Variants in SLC25A21 observed in about 807,000 individuals in gnomAD.
The protein encoded by SLC25A21 is mitochondrial 2-oxodicarboxylate carrier.
Under a neutral mutation model 43.8 loss-of-function variants are expected in SLC25A21, and 47 were observed. The ratio of observed to expected loss-of-function variants is 1.07; its 90% confidence interval spans 0.85 to 1.37. The LOEUF (loss-of-function observed/expected upper bound fraction) is 1.37. Among genes scored for constraint, SLC25A21 ranks in the 40% most tolerant of loss-of-function variants. The pLI is 0.00. For missense variants in SLC25A21, 352 were observed against 350.2 expected, an observed-to-expected ratio of 1.00 and a Z score of -0.04; for synonymous variants, 131 against 121.3, an observed-to-expected ratio of 1.08 and a Z score of -0.52.
At chr14:37,089,485 T>C (rs1343604984) in intron 1 of SLC25A21, among the ~76,000 whole-genome samples, 1 of 152,216 alleles carries the variant, frequency 6.6e-6, no homozygotes, top group Non-Finnish European at 1.5e-5. Context: ...TTATTAGCTC[T>C]TACTGTAGAA....
chr14:36,680,806 G>C (rs966197072), intron 9 of SLC25A21, 87 bp from the exon 10 acceptor site: 1 of 1,211,588 alleles, frequency 8.3e-7, no homozygotes, highest in Admixed American at 1.9e-5. Context: ...ATGATGTCTC[G>C]CACAGCCTGT....
At chr14:36,921,418 C>T (rs537213824) in intron 1 of SLC25A21, among the ~76,000 whole-genome samples, 63 of 152,140 alleles carry the variant, frequency 4.1e-4, no homozygotes, top group African/African-American at 1.4e-3. Context: ...TGAATAAGAA[C>T]GTTCATAACT....
intron 1 of SLC25A21, among the ~76,000 whole-genome samples, chr14:36,998,876 G>T (rs1960428473): frequency 6.6e-6 from 1 of 151,992 alleles, no homozygotes; most frequent in South Asian, 2.1e-4. Flanking sequence ...TATTAGGATG[G>T]CCAAAATCCA....
At chr14:36,760,568 G>A (rs907400993) in intron 3 of SLC25A21, among the ~76,000 whole-genome samples, 5 of 152,178 alleles carry the variant, frequency 3.3e-5, no homozygotes, top group African/African-American at 7.2e-5. Flanking sequence ...GGAGGGTCCT[G>A]CCAGCTCCAT....
intron 1 of SLC25A21, among the ~76,000 whole-genome samples, chr14:37,056,556 C>T (rs927552780): frequency 2.0e-5 from 3 of 151,796 alleles, no homozygotes; most frequent in Non-Finnish European, 4.4e-5. Flanking sequence ...TGGACTAATA[C>T]AGATGCAGAC....
chr14:36,842,030 C>T (rs895115068), intron 2 of SLC25A21, among the ~76,000 whole-genome samples: 2 of 152,224 alleles, frequency 1.3e-5, no homozygotes, highest in East Asian at 1.9e-4. Flanking sequence ...AAATTCTCTT[C>T]CCATGTTTCC....
intron 2 of SLC25A21, among the ~76,000 whole-genome samples, chr14:36,827,298 G>A (rs1888868230): frequency 2.6e-5 from 4 of 152,054 alleles, no homozygotes; most frequent in Admixed American, 6.6e-5. Flanking sequence ...GTTGGCTCTG[G>A]TGGCATTGCA....
intron 1 of SLC25A21, among the ~76,000 whole-genome samples, chr14:36,942,989 G>A (rs558209422): frequency 9.5e-4 from 145 of 152,250 alleles, no homozygotes; most frequent in Non-Finnish European, 1.6e-3. Flanking sequence ...TATGGTTCCA[G>A]TAGAGAGCTG....
intron 1 of SLC25A21, among the ~76,000 whole-genome samples, chr14:37,064,233 A>G (rs1594776209): frequency 6.6e-6 from 1 of 152,056 alleles, no homozygotes; most frequent in Admixed American, 6.6e-5. Context: ...GACTTATACC[A>G]GTGGCCCCTT....
chr14:37,006,650 A>G (rs1960610821), intron 1 of SLC25A21, among the ~76,000 whole-genome samples: 1 of 121,290 alleles, frequency 8.2e-6, no homozygotes, highest in Non-Finnish European at 1.8e-5. Flanking sequence ...AGAATCCCAG[A>G]ACACCTTAAT....
At chr14:37,059,658 G>C (rs1961903000) in intron 1 of SLC25A21, among the ~76,000 whole-genome samples, 1 of 152,158 alleles carries the variant, frequency 6.6e-6, no homozygotes, top group Non-Finnish European at 1.5e-5. Flanking sequence ...ACTGCCAAGA[G>C]AAAAATGCCC....
intron 2 of SLC25A21, among the ~76,000 whole-genome samples, chr14:36,824,384 T>C (rs1888745462): frequency 6.6e-6 from 1 of 152,138 alleles, no homozygotes; most frequent in East Asian, 1.9e-4. Context: ...GTTACCAAGA[T>C]TTGGATTGGT....
intron 2 of SLC25A21, among the ~76,000 whole-genome samples, chr14:36,837,827 G>A (rs1889260659): frequency 6.6e-6 from 1 of 152,200 alleles, no homozygotes; most frequent in Admixed American, 6.5e-5. Context: ...CCTTGTTGCT[G>A]TCTTGCCCCT....
In SLC25A21 at chr14:36,680,041, G is replaced by A. The variant is rs1882144766; in HGVS notation, c.*617C>T. On this transcript the variant is annotated 3_prime_UTR_variant, in exon 10 of 10. Transcript: ENST00000331299. The stretch of plus-strand genomic sequence containing the variant: ...AATATGAGATATAAAGTAGATGTAG[G>A]AAAATAGAGCTGATATGTGCATAGT... 1.2e-6 allele frequency: 1 copy of A among 859,586 alleles called. No individual in the cohort carries two copies. The allele number at this position is 859,586 out of a possible 1,614,324, so 53.2% of individuals were successfully genotyped here.
chr14:36,790,214 A>T (rs1048883664), intron 3 of SLC25A21, among the ~76,000 whole-genome samples: 3 of 151,622 alleles, frequency 2.0e-5, no homozygotes, highest in Non-Finnish European at 2.9e-5. Flanking sequence ...TGATAATTCA[A>T]AGGTAATAAG....
At chr14:37,101,485 C>T (rs888214985) in intron 1 of SLC25A21, among the ~76,000 whole-genome samples, 1 of 152,116 alleles carries the variant, frequency 6.6e-6, no homozygotes, top group African/African-American at 2.4e-5. Context: ...GCTTTAAAAA[C>T]TCAGATATTT....
intron 2 of SLC25A21, among the ~76,000 whole-genome samples, chr14:36,860,746 T>C (rs898599891): frequency 2.0e-5 from 3 of 152,250 alleles, no homozygotes; most frequent in African/African-American, 7.2e-5. Context: ...CAAGAAATTC[T>C]AAAGTGTATA....
intron 3 of SLC25A21, among the ~76,000 whole-genome samples, chr14:36,778,254 A>T (rs1339172022): frequency 6.6e-6 from 1 of 152,164 alleles, no homozygotes; most frequent in Non-Finnish European, 1.5e-5. Flanking sequence ...ACTCCCCATC[A>T]CTGCAATCAT....
intron 1 of SLC25A21, among the ~76,000 whole-genome samples, chr14:37,068,422 A>G (rs1221311299): frequency 6.6e-6 from 1 of 152,072 alleles, no homozygotes; most frequent in Non-Finnish European, 1.5e-5. Flanking sequence ...AATTCAAGGT[A>G]TGATGATTTT....
Sources: gnomAD v4.1 joint callset for allele counts (sites outside exome capture counted in the v4.1 genomes callset) on GRCh38, gnomAD v4.1.1 for gene constraint, MANE v1.5 for transcripts, NCBI Gene and HGNC (gene_info 2026-07-23, HGNC 2026-07-21) for gene names.